Variants in DNMT3A observed in about 807,000 individuals in gnomAD.
DNMT3A encodes DNA (cytosine-5)-methyltransferase 3A.
A neutral mutation model predicts 117.6 loss-of-function variants in DNMT3A; 267 were observed. The observed-to-expected ratio is 2.27, with a 90% confidence interval of 2.05 to 2.51. DNMT3A has a LOEUF of 2.51. DNMT3A is among the 30% of genes most tolerant of loss of function. The probability of loss-of-function intolerance (pLI) is 0.00; values close to 1 mark genes in which losing one functional copy is unlikely to be tolerated. For synonymous variants in DNMT3A, 432 were observed against 474.8 expected (o/e 0.91, Z 1.17); for missense variants, 1,029 against 1,260.2 (o/e 0.82, Z 2.78).
At position 25,227,901 on chromosome 2, in the gene DNMT3A, T is replaced by C. The variant is rs1205943260; in HGVS notation, c.*6378A>G. 1 of 152,052 alleles carries C rather than the reference T, an allele frequency of 6.6e-6. No homozygotes were observed. The highest frequency in any genetic ancestry group is 1.5e-5 in the Non-Finnish European group (1 of 68,012). 9.4% of individuals were successfully genotyped at this position (152,052 alleles called of 1,614,324 possible). A position where few individuals can be genotyped will look rare whatever the true frequency, so the allele number is the denominator to read the frequency against. On this transcript the variant is annotated 3_prime_UTR_variant, in exon 23 of 23. Coordinates refer to ENST00000321117, the MANE Select transcript of DNMT3A (RefSeq NM_022552.5). ...TTTCTTTTTGCACAAAAACAGTCCA[T>C]TTATTCAAGTGTTCTCCAGCACAAG...
intron 6 of DNMT3A, among the ~76,000 whole-genome samples, chr2:25,248,789 T>C (rs1297505975): frequency 6.6e-6 from 1 of 152,138 alleles, no homozygotes; most frequent in Non-Finnish European, 1.5e-5. Flanking sequence ...CTCAGGTGAT[T>C]TGCCCGCCTC....
chr2:25,243,910 C>A lies in DNMT3A; in HGVS notation c.1924G>T (p.Gly642Ter), dbSNP rs551213321. ...CTGCACCCCTCACCTGTAGCGATTC[C>A]ATCAAAGAGAGACAGCACCCGGATG... ...KPIRVLSLFDGIATGLLVLKD... is the reference protein window; with the variant it reads ...KPIRVLSLFD The change falls in exon 16 of 23, where the codon GGA (glycine) becomes TGA (stop). Residue 642 changes from glycine (G) to a stop codon, truncating the protein, a stop_gained. Coordinates refer to ENST00000321117, the MANE Select transcript of DNMT3A (RefSeq NM_022552.5). LOFTEE classifies it high-confidence loss of function. 1.3e-6 allele frequency: 2 copies of A among 1,552,000 alleles called. No homozygotes were observed. Among genetic ancestry groups the A allele is most frequent in the Non-Finnish European group, 1.7e-6 (2 of 1,147,050 alleles).
chr2:25,338,456 G>T (rs2035290577), intron 1 of DNMT3A, among the ~76,000 whole-genome samples: 1 of 152,202 alleles, frequency 6.6e-6, no homozygotes, highest in Non-Finnish European at 1.5e-5. Flanking sequence ...GTCTTTCAGG[G>T]AGGTGTGACC....
Position 25,274,800 on chromosome 2 carries a change from G to T in DNMT3A, c.639+141C>A. ...TCAATAAGCATCTGCTGAAGGAGCAGATGAACCAGTCATCATGACTAGAGA... is the reference window on the plus strand; with the variant it reads ...TCAATAAGCATCTGCTGAAGGAGCATATGAACCAGTCATCATGACTAGAGA... On this transcript the variant is annotated intron_variant, in intron 6 of 22. Transcript: ENST00000321117. 1.6e-6 allele frequency: 2 copies of T among 1,261,752 alleles called. 1 individual carries two copies. Among genetic ancestry groups the T allele is most frequent in the South Asian group, 3.3e-5 (2 of 61,538 alleles). 78.2% of individuals were successfully genotyped at this position (1,261,752 alleles called of 1,614,324 possible). A position where few individuals can be genotyped will look rare whatever the true frequency, so the allele number is the denominator to read the frequency against.
Position 25,259,120 on chromosome 2 carries a change from G to A in DNMT3A, c.640-10868C>T, listed in dbSNP as rs903149751. ...TGGGAAGTCCCAGCCCAATAGATGC[G>A]CCATCAGGCTCTGGAGCTTTGGTGG... On this transcript the variant is annotated intron_variant, in intron 6 of 22. Coordinates refer to ENST00000321117, the MANE Select transcript of DNMT3A (RefSeq NM_022552.5). 5.3e-5 allele frequency among the ~76,000 whole-genome samples: 8 copies of A among 152,198 alleles called. No individual in the cohort carries two copies. In the East Asian group the frequency reaches 5.8e-4, roughly 11 times the overall value.
intron 1 of DNMT3A, among the ~76,000 whole-genome samples, chr2:25,316,225 G>A (rs1255389071): frequency 1.3e-5 from 2 of 152,228 alleles, no homozygotes; most frequent in Non-Finnish European, 2.9e-5. Context: ...CATCTGTGCC[G>A]CCACGGGTGT....
intron 6 of DNMT3A, 103 bp from the exon 7 acceptor site, chr2:25,248,355 A>C (rs1302679370): frequency 3.0e-6 from 4 of 1,324,620 alleles, no homozygotes; most frequent in South Asian, 2.6e-5. Flanking sequence ...GAACAGTGAC[A>C]GAAGGTCAAG....
chr2:25,323,614 G>T (rs2034680777), intron 1 of DNMT3A, among the ~76,000 whole-genome samples: 1 of 152,194 alleles, frequency 6.6e-6, no homozygotes, highest in Non-Finnish European at 1.5e-5. Flanking sequence ...ATGCTTCCAA[G>T]AGCGCCTGGC....
chr2:25,235,729 AG>A lies in DNMT3A; in HGVS notation c.2574del (p.Leu859TyrfsTer22), dbSNP rs1558653009. 6.2e-7 allele frequency: 1 copy of A among 1,614,118 alleles called. No individual in the cohort carries two copies. The highest frequency in any genetic ancestry group is 1.1e-5 in the South Asian group (1 of 91,072). ...TACCTTTCCATTTCAGTGCACCATA[AG>A]ATGTCCTCTTTCTCATTCATGAAGA... ...FPVFMNEKEDILWCTEMERVF... is the reference protein window; with the variant it reads ...FPVFMNEKEDXLWCTEMERVF... On this transcript the variant is annotated frameshift_variant, in exon 22 of 23. Transcript: ENST00000321117. LOFTEE classifies it high-confidence loss of function.
At position 25,304,462 on chromosome 2, in the gene DNMT3A, C is replaced by T. The variant is rs938900178; in HGVS notation, c.73-4219G>A. On this transcript the variant is annotated intron_variant, in intron 2 of 22. Transcript: ENST00000321117. The surrounding 1 kb of genome is among the most constrained non-coding windows in gnomAD (Gnocchi z 4.3). ...CCTCCCCATCCCCCTCTCCCTGCCT[C>T]GTGCAAATCCCAGCACGCCGCCCAC... 3.9e-5 allele frequency among the ~76,000 whole-genome samples: 6 copies of T among 152,190 alleles called. No individual in the cohort carries two copies. Among genetic ancestry groups the T allele is most frequent in the Non-Finnish European group, 7.3e-5 (5 of 68,040 alleles).
chr2:25,251,157 G>GC (rs1553415675), intron 6 of DNMT3A, among the ~76,000 whole-genome samples: 1 of 144,772 alleles, frequency 6.9e-6, no homozygotes, highest in East Asian at 2.1e-4. Flanking sequence ...AAGAAGCGGG[G>GC]GGGGGGGTGG....
intron 2 of DNMT3A, among the ~76,000 whole-genome samples, chr2:25,308,757 G>A (rs1295109214): frequency 2.6e-5 from 4 of 152,184 alleles, no homozygotes; most frequent in African/African-American, 9.7e-5. Context: ...AAGAAAGGCA[G>A]AACATGCCCA....
Position 25,304,061 on chromosome 2 carries a change from T to G in DNMT3A, c.73-3818A>C, listed in dbSNP as rs1317278392. Among the ~76,000 whole-genome samples the G allele has an allele frequency of 1.3e-5, 2 of 152,194 alleles. No homozygotes were observed. Among genetic ancestry groups the G allele is most frequent in the East Asian group, 3.8e-4 (2 of 5,202 alleles). On this transcript the variant is annotated intron_variant, in intron 2 of 22. Coordinates refer to ENST00000321117, the MANE Select transcript of DNMT3A (RefSeq NM_022552.5). This position sits in a 1 kb window ranked among gnomAD's most constrained non-coding sequence, Gnocchi z 4.3. Reference sequence around the variant, plus strand: ...CTGATCCGTGGTGACATGGGACAGCTGAAGAACAGTAACACAGTTCGCGGG... The same window carrying G: ...CTGATCCGTGGTGACATGGGACAGCGGAAGAACAGTAACACAGTTCGCGGG...
rs2033090486 is a variant in DNMT3A, at chr2:25,296,400, G to C, written c.177+3739C>G. On this transcript the variant is annotated intron_variant, in intron 3 of 22. Coordinates refer to ENST00000321117, the MANE Select transcript of DNMT3A (RefSeq NM_022552.5). This position sits in a 1 kb window ranked among gnomAD's most constrained non-coding sequence, Gnocchi z 4.2. ...GTTTGGGGAGCAGTGAGAAGGTGAG[G>C]TTTCTGTGGCCAAAGGGGTGGCATC... is the stretch of plus-strand genomic sequence containing the variant. Among the ~76,000 whole-genome samples, 3 of 152,132 alleles carry C rather than the reference G, an allele frequency of 2.0e-5. No homozygotes were observed. The highest frequency in any genetic ancestry group is 1.5e-5 in the Non-Finnish European group (1 of 68,028).
intron 3 of DNMT3A, among the ~76,000 whole-genome samples, chr2:25,287,663 G>A (rs745502953): frequency 1.6e-4 from 24 of 152,128 alleles, no homozygotes; most frequent in Admixed American, 1.6e-3. Flanking sequence ...CAAGGTTAGG[G>A]TGAGGTGCTG....
chr2:25,266,012 T>C (rs1382714283), intron 6 of DNMT3A, among the ~76,000 whole-genome samples: 2 of 152,120 alleles, frequency 1.3e-5, no homozygotes, highest in Admixed American at 1.3e-4. Flanking sequence ...CTGCCTCTTT[T>C]TTTCTCACCA....
chr2:25,249,847 A>C, intron 6 of DNMT3A: 1 of 1,161,316 alleles, frequency 8.6e-7, no homozygotes, highest in East Asian at 2.4e-5. Flanking sequence ...CCAGATTTAG[A>C]GGGGAGAAAA....
At chr2:25,340,246 C>T (rs1052581380) in intron 1 of DNMT3A, among the ~76,000 whole-genome samples, 3 of 152,144 alleles carry the variant, frequency 2.0e-5, no homozygotes, top group African/African-American at 7.2e-5. Flanking sequence ...GGAGGCAGCC[C>T]CTGGGAACCA....
intron 3 of DNMT3A, among the ~76,000 whole-genome samples, chr2:25,283,933 GC>G (rs1211364844): frequency 6.6e-6 from 1 of 152,212 alleles, no homozygotes; most frequent in Admixed American, 6.5e-5. Context: ...CAGGTCACAG[GC>G]TTTGCAAGGA....
Sources: allele counts gnomAD v4.1 joint callset (sites outside exome capture counted in the v4.1 genomes callset), GRCh38; gene constraint gnomAD v4.1.1; non-coding constraint Gnocchi (gnomAD v3.1); transcripts MANE v1.5; gene names NCBI Gene and HGNC (gene_info 2026-07-23, HGNC 2026-07-21).